TMEM232: variants seen among roughly 807,000 people sequenced by gnomAD.
TMEM232 encodes transmembrane protein 232.
Under a neutral mutation model 78.8 loss-of-function variants are expected in TMEM232, and 80 were observed. That is an observed-to-expected ratio of 1.01 (90% CI 0.85 to 1.22). The LOEUF (loss-of-function observed/expected upper bound fraction) is 1.22. TMEM232 is among the 50% of genes most tolerant of loss of function. The pLI, the probability that TMEM232 is intolerant of heterozygous loss-of-function variation, is 0.00. For synonymous variants in TMEM232, 297 were observed against 254.3 expected, an observed-to-expected ratio of 1.17 and a Z score of -1.60; for missense variants, 881 against 742.2, an observed-to-expected ratio of 1.19 and a Z score of -2.17.
At chr5:110,542,140 C>T (rs1450439890) in intron 11 of TMEM232, among the ~76,000 whole-genome samples, 2 of 152,106 alleles carry the variant, frequency 1.3e-5, no homozygotes, top group Non-Finnish European at 1.5e-5. Flanking sequence ...GTGAAAGACC[C>T]GAAGTTCCTG....
At chr5:110,459,590 T>C (rs1482060150) in intron 12 of TMEM232, among the ~76,000 whole-genome samples, 2 of 152,120 alleles carry the variant, frequency 1.3e-5, no homozygotes, top group African/African-American at 4.8e-5. Flanking sequence ...TTTGTAACCA[T>C]AATAGTAATG....
At chr5:110,481,393 A>C (rs1763843569) in intron 12 of TMEM232, among the ~76,000 whole-genome samples, 1 of 152,160 alleles carries the variant, frequency 6.6e-6, no homozygotes, top group Non-Finnish European at 1.5e-5. Flanking sequence ...TTTGGAAAAA[A>C]CTTTGTCTTT....
chr5:110,711,979 G>T (rs1005576127), intron 1 of TMEM232, among the ~76,000 whole-genome samples: 75 of 151,916 alleles, frequency 4.9e-4, no homozygotes, highest in Non-Finnish European at 4.6e-4. Context: ...GGTGGCACCT[G>T]TAGTCCCAGC....
Position 110,483,689 on chromosome 5 carries a change from T to G in TMEM232, c.1703+44899A>C, listed in dbSNP as rs1243840398. ...GGGTGCAGCACACCAACATGGCACA[T>G]GTATACATATGTAACTAACCTGCAC... On this transcript the variant is annotated intron_variant, in intron 12 of 13. Transcript: ENST00000455884. Among the ~76,000 whole-genome samples the G allele has an allele frequency of 3.3e-5, 5 of 152,090 alleles. No homozygotes were observed. The East Asian group carries it at 9.7e-4, about 29-fold the overall frequency.
intron 12 of TMEM232, among the ~76,000 whole-genome samples, chr5:110,441,907 A>AT (rs1759084534): frequency 3.3e-5 from 5 of 151,450 alleles, no homozygotes; most frequent in African/African-American, 1.2e-4. Flanking sequence ...GGTTATTATT[A>AT]GTTTTTTTTT....
chr5:110,589,619 A>G (rs1331873761), intron 10 of TMEM232, among the ~76,000 whole-genome samples: 1 of 152,114 alleles, frequency 6.6e-6, no homozygotes, highest in Non-Finnish European at 1.5e-5. Context: ...CTTTGGACAA[A>G]TAAACTTTTA....
chr5:110,596,328 T>C (rs1243548748), intron 10 of TMEM232, among the ~76,000 whole-genome samples: 2 of 152,140 alleles, frequency 1.3e-5, no homozygotes, highest in East Asian at 3.8e-4. Flanking sequence ...AAGTTGAATC[T>C]CTGAATAGAC....
At chr5:110,546,773 T>C (rs1168894721) in intron 11 of TMEM232, among the ~76,000 whole-genome samples, 1 of 152,120 alleles carries the variant, frequency 6.6e-6, no homozygotes, top group East Asian at 1.9e-4. Flanking sequence ...CCTTGTGACA[T>C]GAAAGGTTTT....
At chr5:110,649,999 A>T (rs1192056946) in intron 2 of TMEM232, among the ~76,000 whole-genome samples, 1 of 152,060 alleles carries the variant, frequency 6.6e-6, no homozygotes, top group African/African-American at 2.4e-5. Context: ...AGTTGCTTTG[A>T]AAGTTAAATG....
At chr5:110,574,995 G>A (rs1233848228) in intron 10 of TMEM232, among the ~76,000 whole-genome samples, 6 of 151,920 alleles carry the variant, frequency 3.9e-5, no homozygotes, top group African/African-American at 1.2e-4. Flanking sequence ...ACTTGCAGCT[G>A]GTGTCAAAAG....
At chr5:110,620,613 CTCTCTCTCTCTCTCTCTCT>C (rs1783537949) in intron 7 of TMEM232, among the ~76,000 whole-genome samples, 10 of 138,164 alleles carry the variant, frequency 7.2e-5, no homozygotes, top group African/African-American at 2.7e-4. Flanking sequence ...CTCTCTCTCT[CTCTCTCTCTCTCTCTCTCT>C]CTCTCTCCTC....
chr5:110,565,854 C>A (rs1003989918), intron 11 of TMEM232, among the ~76,000 whole-genome samples: 8 of 151,854 alleles, frequency 5.3e-5, no homozygotes, highest in South Asian at 2.1e-4. Context: ...AGGTCACTTG[C>A]AAATTTCTCT....
chr5:110,532,991 A>G (rs1455156054), intron 11 of TMEM232, among the ~76,000 whole-genome samples: 1 of 152,160 alleles, frequency 6.6e-6, no homozygotes, highest in Admixed American at 6.5e-5. Context: ...CGCCTTATCA[A>G]CCAAACTGTT....
At chr5:110,478,863 G>C (rs1763542674) in intron 12 of TMEM232, among the ~76,000 whole-genome samples, 1 of 148,848 alleles carries the variant, frequency 6.7e-6, no homozygotes, top group Non-Finnish European at 1.5e-5. Flanking sequence ...GAGAGAAGTA[G>C]AAGTGTTTTG....
intron 7 of TMEM232, among the ~76,000 whole-genome samples, chr5:110,620,630 TCTCTCTCTC>T (rs1165793491): frequency 7.4e-4 from 74 of 100,334 alleles, no homozygotes; most frequent in Admixed American, 2.6e-3. Flanking sequence ...TCTCTCTCTC[TCTCTCTCTC>T]CTCTCTCCTC....
chr5:110,492,395 G>A (rs1224735072), intron 12 of TMEM232, among the ~76,000 whole-genome samples: 1 of 151,792 alleles, frequency 6.6e-6, no homozygotes, highest in Non-Finnish European at 1.5e-5. Context: ...AGGAGTGTTA[G>A]TGTCATCAAA....
At chr5:110,637,162 A>C (rs1785961743) in intron 5 of TMEM232, among the ~76,000 whole-genome samples, 1 of 150,338 alleles carries the variant, frequency 6.7e-6, no homozygotes, top group African/African-American at 2.4e-5. Flanking sequence ...TTTCATTATA[A>C]ATATAAATAC....
intron 10 of TMEM232, among the ~76,000 whole-genome samples, chr5:110,581,698 A>T (rs1778226143): frequency 1.3e-5 from 2 of 151,960 alleles, no homozygotes; most frequent in Non-Finnish European, 2.9e-5. Flanking sequence ...TGCACAGTCA[A>T]AGGAACCATC....
chr5:110,413,935 A>G (rs1450717031), intron 2 of TMEM232, among the ~76,000 whole-genome samples: 2 of 152,226 alleles, frequency 1.3e-5, no homozygotes, highest in Admixed American at 6.5e-5. Context: ...TCTGTCCATA[A>G]TCATTGGCCA....
Sources: allele counts gnomAD v4.1 joint callset (sites outside exome capture counted in the v4.1 genomes callset), GRCh38; gene constraint gnomAD v4.1.1; transcripts MANE v1.5; gene names NCBI Gene and HGNC (gene_info 2026-07-23, HGNC 2026-07-21).